The following ADGRL3 variants were observed in gnomAD, a reference collection of about 807,000 sequenced individuals.
ADGRL3 encodes the protein calcium-independent alpha-latrotoxin receptor 3.
ADGRL3 carries 62 observed loss-of-function variants against 153.5 expected under a neutral mutation model. That is an observed-to-expected ratio of 0.40 (90% CI 0.33 to 0.50). The LOEUF is 0.50. Among genes scored for constraint, ADGRL3 ranks in the 20% least tolerant of loss-of-function variants. ADGRL3 has a pLI of 0.47. For missense variants in ADGRL3, 1,641 were observed against 1,859.4 expected (o/e 0.88, Z 2.16); for synonymous variants, 710 against 672.5 (o/e 1.06, Z -0.86).
chr4:61,592,100 G>T lies in ADGRL3; in HGVS notation c.473+4660G>T, dbSNP rs1019346733. Among the ~76,000 whole-genome samples, 6 of 146,874 alleles carry T rather than the reference G, an allele frequency of 4.1e-5. No individual in the cohort carries two copies. In the East Asian group the frequency reaches 1.2e-3, roughly 30 times the overall value. ...AAAAAAAAAAAAAAAAATAGAGAAA[G>T]AATTGTTCCCCATCTTTCTGAAAAG... On this transcript the variant is annotated intron_variant, in intron 5 of 26. Transcript: ENST00000683033.
chr4:61,758,224 C>T (rs924130468), intron 8 of ADGRL3, among the ~76,000 whole-genome samples: 1 of 152,134 alleles, frequency 6.6e-6, no homozygotes, highest in African/African-American at 2.4e-5. Context: ...TCCCTGAGTT[C>T]AATTCCTGGA....
At chr4:61,295,706 T>C in intron 1 of ADGRL3, among the ~76,000 whole-genome samples, 1 of 151,576 alleles carries the variant, frequency 6.6e-6, no homozygotes, top group East Asian at 1.9e-4. Flanking sequence ...TGTAATCCCG[T>C]CCAGCATTTT....
intron 9 of ADGRL3, among the ~76,000 whole-genome samples, chr4:61,876,003 T>C (rs890873676): frequency 2.7e-5 from 4 of 150,518 alleles, no homozygotes; most frequent in African/African-American, 9.7e-5. Context: ...CCAGGCAGCA[T>C]ACAGTGAAAC....
At chr4:61,748,690 A>C (rs1353996956) in intron 8 of ADGRL3, among the ~76,000 whole-genome samples, 1 of 152,116 alleles carries the variant, frequency 6.6e-6, no homozygotes, top group Non-Finnish European at 1.5e-5. Context: ...ACTTCCTTAC[A>C]CCTTATACAA....
At chr4:61,823,608 TG>T (rs2097774691) in intron 9 of ADGRL3, among the ~76,000 whole-genome samples, 2 of 152,274 alleles carry the variant, frequency 1.3e-5, no homozygotes, top group Admixed American at 1.3e-4. Flanking sequence ...ATGAGAAAAC[TG>T]AGACATAGAG....
chr4:61,702,387 AT>A (rs768211627), intron 6 of ADGRL3, among the ~76,000 whole-genome samples: 2 of 152,284 alleles, frequency 1.3e-5, no homozygotes, highest in East Asian at 3.9e-4. Context: ...ATTTGCATGG[AT>A]TTTTCAGTAG....
chr4:61,966,573 GGTGT>G lies in ADGRL3; in HGVS notation c.2806-12960_2806-12957del, dbSNP rs5858746. On this transcript the variant is annotated intron_variant, in intron 17 of 26. Transcript: ENST00000683033. ...ACCTTTAAGAAGTACTTTCAAAAGG[GGTGT>G]GTGTGTGTGTGTGTGTGTGTGTGTG... Among the ~76,000 whole-genome samples the G allele has an allele frequency of 3.1e-3, 446 of 146,000 alleles. 2 individuals are homozygous for G. The highest frequency in any genetic ancestry group is 8.1e-3 in the African/African-American group (322 of 39,846).
chr4:61,398,583 T>C (rs1014715097), intron 2 of ADGRL3, among the ~76,000 whole-genome samples: 1 of 151,696 alleles, frequency 6.6e-6, no homozygotes, highest in Non-Finnish European at 1.5e-5. Flanking sequence ...ATTACTTCTT[T>C]TTTGCCTTTC....
chr4:61,298,942 T>TA (rs2094496881), intron 1 of ADGRL3, among the ~76,000 whole-genome samples: 4 of 152,152 alleles, frequency 2.6e-5, no homozygotes, highest in Admixed American at 2.6e-4. Context: ...GTGACAGCAA[T>TA]AAAAAATTGT....
At chr4:61,563,867 G>C (rs1330526637) in intron 4 of ADGRL3, among the ~76,000 whole-genome samples, 1 of 152,064 alleles carries the variant, frequency 6.6e-6, no homozygotes, top group East Asian at 1.9e-4. Flanking sequence ...AATTAGCTGG[G>C]CGTGGTGGTG....
At chr4:61,504,682 T>TA (rs2098415760) in intron 3 of ADGRL3, among the ~76,000 whole-genome samples, 1 of 152,196 alleles carries the variant, frequency 6.6e-6, no homozygotes, top group Admixed American at 6.5e-5. Context: ...CATCCTCTGG[T>TA]AACCATCATT....
intron 2 of ADGRL3, among the ~76,000 whole-genome samples, chr4:61,398,756 T>G (rs1195854712): frequency 6.6e-6 from 1 of 151,604 alleles, no homozygotes; most frequent in Non-Finnish European, 1.5e-5. Flanking sequence ...GCCATAGTCT[T>G]GAAATAAGAA....
At chr4:61,640,841 A>G (rs901803200) in intron 5 of ADGRL3, among the ~76,000 whole-genome samples, 3 of 152,330 alleles carry the variant, frequency 2.0e-5, no homozygotes, top group South Asian at 4.1e-4. Flanking sequence ...TACTTTGTCT[A>G]TAATAAGTTT....
chr4:61,743,788 GA>G (rs961181234), intron 8 of ADGRL3, among the ~76,000 whole-genome samples: 22 of 152,344 alleles, frequency 1.4e-4, no homozygotes, highest in Non-Finnish European at 2.6e-4. Context: ...GAGTGACGCA[GA>G]AAACGGGTGA....
chr4:61,219,626 A>G (rs988736137), intron 1 of ADGRL3, among the ~76,000 whole-genome samples: 3 of 152,168 alleles, frequency 2.0e-5, no homozygotes, highest in Admixed American at 1.3e-4. Context: ...AAAATAGTTG[A>G]CTGTATTGTT....
At chr4:61,218,411 C>T (rs746728652) in intron 1 of ADGRL3, among the ~76,000 whole-genome samples, 74 of 152,112 alleles carry the variant, frequency 4.9e-4, no homozygotes, top group Admixed American at 4.3e-3. Context: ...CCTAACAGAA[C>T]GGATCCTCCT....
At chr4:61,835,349 A>AAAAAAAAAAAAG (rs2097919377) in intron 9 of ADGRL3, among the ~76,000 whole-genome samples, 1 of 147,202 alleles carries the variant, frequency 6.8e-6, no homozygotes, top group African/African-American at 2.5e-5. Context: ...AAAAAAAAAA[A>AAAAAAAAAAAAG]AAAAAAAAAA....
At chr4:61,384,163 CACT>C (rs1196714458) in intron 2 of ADGRL3, among the ~76,000 whole-genome samples, 6 of 151,704 alleles carry the variant, frequency 4.0e-5, no homozygotes, top group Admixed American at 2.0e-4. Context: ...CCTTTCTGTG[CACT>C]ACGTTTTCCA....
intron 21 of ADGRL3, among the ~76,000 whole-genome samples, chr4:62,004,481 T>C (rs369569333): frequency 6.6e-6 from 1 of 151,964 alleles, no homozygotes; most frequent in African/African-American, 2.4e-5. Flanking sequence ...AATACTGATA[T>C]ACCGATTTTT....
Sources: gnomAD v4.1 joint callset for allele counts (sites outside exome capture counted in the v4.1 genomes callset) on GRCh38, gnomAD v4.1.1 for gene constraint, MANE v1.5 for transcripts, NCBI Gene and HGNC (gene_info 2026-07-23, HGNC 2026-07-21) for gene names.